The following RAB2A variants were observed in gnomAD, a reference collection of about 807,000 sequenced individuals.
RAB2A encodes the protein ras-related protein Rab-2A.
A neutral mutation model predicts 32.5 loss-of-function variants in RAB2A; 7 were observed. The observed-to-expected ratio is 0.22, with a 90% CI of 0.12 to 0.40. The LOEUF (loss-of-function observed/expected upper bound fraction) is 0.40. Among genes scored for constraint, RAB2A ranks in the 10% least tolerant of loss-of-function variants. The probability of loss-of-function intolerance (pLI) is 1.00; values close to 1 mark genes in which losing one functional copy is unlikely to be tolerated. For synonymous variants in RAB2A, 79 were observed against 85.2 expected (o/e 0.93, Z 0.40); for missense variants, 108 against 260.7 (o/e 0.41, Z 4.03).
chr8:60,615,711 T>C (rs1437006781), intron 6 of RAB2A, among the ~76,000 whole-genome samples: 1 of 152,190 alleles, frequency 6.6e-6, no homozygotes, highest in Non-Finnish European at 1.5e-5. Flanking sequence ...ATGTTCATTA[T>C]ATTTAGGAAC....
At chr8:60,519,707 A>T (rs1034861927) in intron 1 of RAB2A, among the ~76,000 whole-genome samples, 3 of 152,150 alleles carry the variant, frequency 2.0e-5, no homozygotes, top group Admixed American at 6.5e-5. Flanking sequence ...GATGTTTTGT[A>T]TGGCTCTGTA....
At chr8:60,584,672 T>C (rs753767228) in intron 4 of RAB2A, 51 bp from the exon 5 acceptor site, 1 of 1,426,422 alleles carries the variant, frequency 7.0e-7, no homozygotes, top group Non-Finnish European at 9.8e-7. Context: ...GTTCGTTGTA[T>C]ACTGAGGGAA....
intron 6 of RAB2A, among the ~76,000 whole-genome samples, chr8:60,598,971 A>T: frequency 7.0e-6 from 1 of 142,124 alleles, no homozygotes; most frequent in African/African-American, 2.7e-5. Flanking sequence ...AAAAAAGAAA[A>T]GGCATACAAC....
chr8:60,544,656 A>G (rs1586072232), intron 1 of RAB2A, among the ~76,000 whole-genome samples: 1 of 149,282 alleles, frequency 6.7e-6, no homozygotes, highest in Non-Finnish European at 1.5e-5. Context: ...TCCACCTCCC[A>G]AAGTGCTGGG....
chr8:60,536,679 T>A (rs1341050753), intron 1 of RAB2A, among the ~76,000 whole-genome samples: 3 of 152,240 alleles, frequency 2.0e-5, no homozygotes, highest in Non-Finnish European at 4.4e-5. Flanking sequence ...TTATTAGATT[T>A]CTGCAGTGTC....
chr8:60,517,379 C>T (rs1454969823), intron 1 of RAB2A, 126 bp downstream of exon 1: 29 of 931,656 alleles, frequency 3.1e-5, no homozygotes, highest in Admixed American at 4.3e-5. Flanking sequence ...CCGCGCCGCT[C>T]CATTTCCGCA....
chr8:60,609,150 C>T (rs1804292026), intron 6 of RAB2A, among the ~76,000 whole-genome samples: 1 of 152,144 alleles, frequency 6.6e-6, no homozygotes, highest in Non-Finnish European at 1.5e-5. Context: ...ACACCATATG[C>T]TCTCCATAGT....
chr8:60,548,675 C>G lies in RAB2A; in HGVS notation c.47-10177C>G, dbSNP rs1309868983. Reference sequence around the variant, plus strand: ...CCCACCTCCCTCCCGGACGGAGTGGCTGGCCGGGCAGAGGGGCTCCTCACT... The same window carrying G: ...CCCACCTCCCTCCCGGACGGAGTGGGTGGCCGGGCAGAGGGGCTCCTCACT... On this transcript the variant is annotated intron_variant, in intron 1 of 7. Transcript: ENST00000262646. Among the ~76,000 whole-genome samples, 200 of 146,398 alleles carry G rather than the reference C, an allele frequency of 1.4e-3. 3 individuals are homozygous for G. Among genetic ancestry groups the G allele is most frequent in the Middle Eastern group, 3.8e-3 (1 of 262 alleles).
At chr8:60,593,821 CAACA>C (rs1165584884) in intron 6 of RAB2A, among the ~76,000 whole-genome samples, 7 of 151,764 alleles carry the variant, frequency 4.6e-5, no homozygotes, top group Non-Finnish European at 7.4e-5. Flanking sequence ...TAAAATGCCT[CAACA>C]AACAAGGAAC....
At chr8:60,577,036 T>C (rs1430491315) in intron 3 of RAB2A, among the ~76,000 whole-genome samples, 1 of 114,328 alleles carries the variant, frequency 8.7e-6, no homozygotes, top group Non-Finnish European at 1.7e-5. Context: ...TCATATCCTA[T>C]TTTATCTTTT....
rs1804127123 is a variant in RAB2A at position 60,601,092 on chromosome 8, C to G, written c.474+9123C>G. Among the ~76,000 whole-genome samples, 2 of 152,178 alleles carry G rather than the reference C, an allele frequency of 1.3e-5. 1 individual carries two copies. Among genetic ancestry groups the G allele is most frequent in the Non-Finnish European group, 2.9e-5 (2 of 68,032 alleles). ...GATGACAGTTTTAAAAATGAGAATT[C>G]ATCAGGAAGAAGCCTCCTAACCACA... On this transcript the variant is annotated intron_variant, in intron 6 of 7. Coordinates refer to ENST00000262646, the MANE Select transcript of RAB2A (RefSeq NM_002865.3).
At position 60,517,146 on chromosome 8, in the gene RAB2A, C is replaced by A; in HGVS notation, c.-62C>A. On this transcript the variant is annotated 5_prime_UTR_variant, in exon 1 of 8. Coordinates refer to ENST00000262646, the MANE Select transcript of RAB2A (RefSeq NM_002865.3). Reference sequence around the variant, plus strand: ...AGGCTGAGCGGCACCGGGGTTGGGGCGCGGAGGAGGAGCAGCAGCGGGAGG... The same window carrying A: ...AGGCTGAGCGGCACCGGGGTTGGGGAGCGGAGGAGGAGCAGCAGCGGGAGG... The A allele has an allele frequency of 1.4e-6, 2 of 1,448,600 alleles. No individual in the cohort carries two copies. The highest frequency in any genetic ancestry group is 2.6e-5 in the Admixed American group (1 of 38,486). 89.7% of individuals were successfully genotyped at this position (1,448,600 alleles called of 1,614,324 possible). A position where few individuals can be genotyped will look rare whatever the true frequency, so the allele number is the denominator to read the frequency against.
intron 1 of RAB2A, among the ~76,000 whole-genome samples, chr8:60,521,900 G>T (rs547289595): frequency 6.6e-6 from 1 of 152,188 alleles, no homozygotes; most frequent in Non-Finnish European, 1.5e-5. Flanking sequence ...GGGATTACAG[G>T]TGTGAGCCAC....
Position 60,616,518 on chromosome 8 carries a change from T to TA in RAB2A, c.475-2059dup, listed in dbSNP as rs1207438395. ...ACAGTAATTGACATGTTATTGGAAATAAAGTTAAGTTTTTCCTTATTTATA... is the reference window on the plus strand; with the variant it reads ...ACAGTAATTGACATGTTATTGGAAATAAAAGTTAAGTTTTTCCTTATTTATA... On this transcript the variant is annotated intron_variant, in intron 6 of 7. Transcript: ENST00000262646. 3.9e-5 allele frequency among the ~76,000 whole-genome samples: 6 copies of TA among 152,396 alleles called. No individual in the cohort carries two copies. In the South Asian group the frequency reaches 8.3e-4, roughly 21 times the overall value.
chr8:60,524,785 A>G (rs1041232996), intron 1 of RAB2A, among the ~76,000 whole-genome samples: 2 of 152,208 alleles, frequency 1.3e-5, no homozygotes, highest in Admixed American at 6.5e-5. Flanking sequence ...GTAACATTCC[A>G]CTGCTGGTAA....
Position 60,517,295 on chromosome 8 carries a change from C to G in RAB2A, c.46+42C>G, listed in dbSNP as rs766121960. On this transcript the variant is annotated intron_variant, in intron 1 of 7. Coordinates refer to ENST00000262646, the MANE Select transcript of RAB2A (RefSeq NM_002865.3). ...CGGCCGGGCGGGTGTCGGCGGCCTC[C>G]GGACCCGGGCTGAGGGGCAAACGGC... 3 of 1,465,178 alleles carry G rather than the reference C, an allele frequency of 2.0e-6. No homozygotes were observed. The Admixed American group carries it at 7.7e-5, about 38-fold the overall frequency. 90.8% of individuals were successfully genotyped at this position (1,465,178 alleles called of 1,614,324 possible).
intron 6 of RAB2A, among the ~76,000 whole-genome samples, chr8:60,615,918 G>T (rs923186879): frequency 3.3e-5 from 5 of 152,082 alleles, no homozygotes; most frequent in African/African-American, 9.7e-5. Context: ...ATTAATGTTT[G>T]TCATGAAGTA....
intron 6 of RAB2A, among the ~76,000 whole-genome samples, chr8:60,596,651 G>A (rs899489742): frequency 6.6e-6 from 1 of 152,122 alleles, no homozygotes; most frequent in Non-Finnish European, 1.5e-5. Flanking sequence ...GGCCGGGCGC[G>A]GTGGCTCATG....
At chr8:60,588,277 T>A (rs1020582546) in intron 5 of RAB2A, among the ~76,000 whole-genome samples, 3 of 152,050 alleles carry the variant, frequency 2.0e-5, no homozygotes, top group Non-Finnish European at 4.4e-5. Flanking sequence ...AGCAAGACCC[T>A]GTCTCAAAAA....
Sources: gnomAD v4.1 joint callset for allele counts (sites outside exome capture counted in the v4.1 genomes callset) on GRCh38, gnomAD v4.1.1 for gene constraint, MANE v1.5 for transcripts, NCBI Gene and HGNC (gene_info 2026-07-23, HGNC 2026-07-21) for gene names.